Variants in BDP1 observed in about 807,000 individuals in gnomAD.
BDP1 encodes the protein transcription factor TFIIIB component B'' homolog.
BDP1 carries 169 observed loss-of-function variants against 266.6 expected under a neutral mutation model. That is an observed-to-expected ratio of 0.63 (90% CI 0.56 to 0.72). The LOEUF is 0.72. Ranked by LOEUF, BDP1 falls within the 30% of genes least tolerant of loss-of-function variation. The pLI, the probability that BDP1 is intolerant of heterozygous loss-of-function variation, is 0.00. For missense variants in BDP1, 3,015 were observed against 3,053.8 expected, an observed-to-expected ratio of 0.99 and a Z score of 0.30; for synonymous variants, 1,090 against 1,022.4, an observed-to-expected ratio of 1.07 and a Z score of -1.26.
intron 8 of BDP1, 79 bp from the exon 9 acceptor site, chr5:71,486,405 T>G: frequency 8.0e-7 from 1 of 1,249,820 alleles, no homozygotes; most frequent in Non-Finnish European, 1.1e-6. Flanking sequence ...CATTTGCTTT[T>G]GATGTTATGA....
At chr5:71,480,959 G>A (rs1300370077) in intron 7 of BDP1, among the ~76,000 whole-genome samples, 7 of 152,080 alleles carry the variant, frequency 4.6e-5, no homozygotes, top group Non-Finnish European at 2.9e-5. Context: ...GGTGGATCAC[G>A]AGGTCAGGAG....
intron 28 of BDP1, among the ~76,000 whole-genome samples, 158 bp downstream of exon 28, chr5:71,539,807 T>C (rs1014024220): frequency 6.6e-6 from 1 of 152,154 alleles, no homozygotes; most frequent in African/African-American, 2.4e-5. Flanking sequence ...ATCCATCCAC[T>C]ATTTTACTAC....
chr5:71,562,437 A>G lies in BDP1; in HGVS notation c.7660A>G (p.Lys2554Glu). 1.2e-6 allele frequency: 2 copies of G among 1,614,032 alleles called. No individual in the cohort carries two copies. The highest frequency in any genetic ancestry group is 1.7e-6 in the Non-Finnish European group (2 of 1,179,934). Reference sequence around the variant, plus strand: ...TAATCCATTCAATGAAAGCCAGGAAAAAAATCGAGAGTCCTCTGATCTGCT... The same window carrying G: ...TAATCCATTCAATGAAAGCCAGGAAGAAAATCGAGAGTCCTCTGATCTGCT... ...RSNPFNESQE[K>E]NRESSDLLPS... Residue 2554 changes from lysine to glutamate, a missense_variant, in exon 38 of 39, where the codon AAA becomes GAA. Physicochemically the swap from Lys to Glu is moderately conservative, Grantham distance 56. This residue lies in a region of BDP1 where 629 missense variants were observed against 632.5 expected (regional missense o/e 0.99). Coordinates refer to ENST00000358731, the MANE Select transcript of BDP1 (RefSeq NM_018429.3).
At chr5:71,569,715 A>G (rs1744202948), downstream of BDP1, among the ~76,000 whole-genome samples, 2 of 152,204 alleles carry the variant, frequency 1.3e-5, no homozygotes, top group Admixed American at 6.5e-5. Context: ...ACTGTACTCC[A>G]GCGTGGGTGA....
chr5:71,553,080 A>T (rs1398933225), intron 34 of BDP1, 36 bp from the exon 35 acceptor site: 1 of 1,488,572 alleles, frequency 6.7e-7, no homozygotes, highest in South Asian at 1.2e-5. Context: ...ATAACTTCTA[A>T]TTCAGTAATT....
chr5:71,459,343 C>G (rs1324251947), intron 2 of BDP1, among the ~76,000 whole-genome samples: 1 of 152,166 alleles, frequency 6.6e-6, no homozygotes, highest in Non-Finnish European at 1.5e-5. Flanking sequence ...AAAACCCTGT[C>G]TCTACTAAAA....
chr5:71,564,811 C>A lies in BDP1; in HGVS notation c.7801C>A (p.Pro2601Thr). 6.2e-7 allele frequency: 1 copy of A among 1,611,564 alleles called. No homozygotes were observed. The highest frequency in any genetic ancestry group is 8.5e-7 in the Non-Finnish European group (1 of 1,179,704). Reference protein sequence around the residue: ...EGYKSAQKRAPQGEATTVSEY... With the variant: ...EGYKSAQKRATQGEATTVSEY... ...ATATAAAAGTGCCCAAAAGCGGGCCCCTCAAGGGGAGGCAACCACAGTCTC... is the reference window on the plus strand; with the variant it reads ...ATATAAAAGTGCCCAAAAGCGGGCCACTCAAGGGGAGGCAACCACAGTCTC... Residue 2601 changes from proline (P) to threonine (T), a missense_variant, in exon 39 of 39, where the codon CCT becomes ACT. Physicochemically the swap from Pro to Thr is conservative, Grantham distance 38 (BLOSUM62 -1). This residue lies in a region of BDP1 where 629 missense variants were observed against 632.5 expected (regional missense o/e 0.99). Transcript: ENST00000358731.
intron 36 of BDP1, among the ~76,000 whole-genome samples, chr5:71,557,213 T>TC: frequency 6.6e-6 from 1 of 151,666 alleles, no homozygotes; most frequent in South Asian, 2.1e-4. Flanking sequence ...GCTTTTTTTC[T>TC]CCCCCGCCCC....
Position 71,564,851 on chromosome 5 carries a change from A to G in BDP1, c.7841A>G (p.Asn2614Ser), listed in dbSNP as rs1225178627. The change falls in exon 39 of 39, where the codon AAT (asparagine) becomes AGT (serine). Residue 2614 changes from asparagine (N) to serine (S), a missense_variant. By Grantham distance (46) the Asn-to-Ser change is conservative. Around this residue, in one of 3 missense-constraint regions of BDP1, gnomAD observed 629 missense variants for 632.5 expected, o/e 0.99. Transcript: ENST00000358731. Reference protein sequence around the residue: ...EATTVSEYFFNDIFIEVDETE With the variant: ...EATTVSEYFFSDIFIEVDETE ...ACCACAGTCTCTGAATATTTCTTCA[A>G]TGATATCTTCATTGAAGTGGATGAA... The G allele has an allele frequency of 6.8e-6, 11 of 1,609,916 alleles. No individual in the cohort carries two copies. Among genetic ancestry groups the G allele is most frequent in the Non-Finnish European group, 9.3e-6 (11 of 1,179,238 alleles).
intron 7 of BDP1, among the ~76,000 whole-genome samples, chr5:71,476,526 T>C (rs1762595422): frequency 1.5e-5 from 2 of 136,894 alleles, no homozygotes; most frequent in Non-Finnish European, 3.1e-5. Context: ...CCAAATAACA[T>C]GGCCAGCTTT....
At chr5:71,495,610 A>G (rs980328124) in intron 12 of BDP1, among the ~76,000 whole-genome samples, 2 of 152,168 alleles carry the variant, frequency 1.3e-5, no homozygotes, top group Non-Finnish European at 2.9e-5. Flanking sequence ...CTTTGCAGAA[A>G]GATTCTCTTT....
chr5:71,527,921 C>T (rs1765991399), intron 25 of BDP1, among the ~76,000 whole-genome samples: 1 of 151,362 alleles, frequency 6.6e-6, no homozygotes, highest in South Asian at 2.1e-4. Context: ...CAGGTTCAAG[C>T]AATTCTTCTG....
At position 71,456,107 on chromosome 5, in the gene BDP1, G is replaced by A. The variant is rs1455296668; in HGVS notation, c.212+18G>A. ...AGGAGCAGGTAAGAGGTTGCAGAGG[G>A]AAGAATTTTCATTTGTCCCGCCTCT... On this transcript the variant is annotated intron_variant, in intron 1 of 38. Transcript: ENST00000358731. 1 of 1,602,478 alleles carries A rather than the reference G, an allele frequency of 6.2e-7. No individual in the cohort carries two copies. Among genetic ancestry groups the A allele is most frequent in the Non-Finnish European group, 8.5e-7 (1 of 1,174,684 alleles).
chr5:71,483,972 A>G, intron 8 of BDP1, 76 bp downstream of exon 8: 1 of 1,206,012 alleles, frequency 8.3e-7, no homozygotes, highest in Non-Finnish European at 1.2e-6. Context: ...CTTTGGCTTT[A>G]GTGTGTTTTA....
At chr5:71,492,661 TA>T (rs1464007759) in intron 11 of BDP1, among the ~76,000 whole-genome samples, 1 of 152,230 alleles carries the variant, frequency 6.6e-6, no homozygotes, top group Non-Finnish European at 1.5e-5. Flanking sequence ...AAATATGATT[TA>T]CACATTTTCT....
chr5:71,495,739 T>C (rs903335884), intron 12 of BDP1, among the ~76,000 whole-genome samples: 7 of 152,192 alleles, frequency 4.6e-5, no homozygotes, highest in Admixed American at 1.3e-4. Flanking sequence ...GTTTGAGTTA[T>C]TTTTTATGCC....
intron 7 of BDP1, among the ~76,000 whole-genome samples, chr5:71,473,314 G>T (rs1436990554): frequency 2.6e-5 from 3 of 113,788 alleles, no homozygotes; most frequent in African/African-American, 1.1e-4. Flanking sequence ...TTGTTCTGTA[G>T]CCCAGGCTGG....
At chr5:71,494,372 G>A (rs1763758815) in intron 11 of BDP1, 1 of 152,250 alleles carries the variant, frequency 6.6e-6, no homozygotes, top group South Asian at 2.1e-4. Flanking sequence ...CGCCCAGGCT[G>A]GAATGCAGTG....
At position 71,545,598 on chromosome 5, in the gene BDP1, T is replaced by A. The variant is rs188802928; in HGVS notation, c.6744+379T>A. The A allele has an allele frequency of 2.5e-3, 549 of 219,334 alleles. 4 individuals are homozygous for A. Among genetic ancestry groups the A allele is most frequent in the African/African-American group, 0.012 (511 of 42,570 alleles). The allele number at this position is 219,334 out of a possible 1,614,324, so 13.6% of individuals were successfully genotyped here. A position where few individuals can be genotyped will look rare whatever the true frequency, so the allele number is the denominator to read the frequency against. ...CACCTGCGTTGGCCTCCAAAAGTGT[T>A]GGGATTACAGGCATGAGCCACTGTG... On this transcript the variant is annotated intron_variant, in intron 32 of 38. Transcript: ENST00000358731.
Sources: allele counts gnomAD v4.1 joint callset (sites outside exome capture counted in the v4.1 genomes callset), GRCh38; gene constraint gnomAD v4.1.1; regional missense constraint gnomAD v4.1.1; transcripts MANE v1.5; gene names NCBI Gene and HGNC (gene_info 2026-07-23, HGNC 2026-07-21).